Variants in TMX3 observed in about 807,000 individuals in gnomAD.
The protein encoded by TMX3 is protein disulfide-isomerase TMX3.
TMX3 carries 40 observed loss-of-function variants against 64.4 expected under a neutral mutation model. The ratio of observed to expected loss-of-function variants is 0.62; its 90% CI spans 0.48 to 0.81. The LOEUF is 0.81. TMX3 is among the 30% of genes least tolerant of loss of function. TMX3 has a pLI of 0.00. For missense variants in TMX3, 497 were observed against 534.5 expected (o/e 0.93, Z 0.69); for synonymous variants, 189 against 175.7 (o/e 1.08, Z -0.60).
Position 68,680,859 on chromosome 18 carries a change from G to A in TMX3, c.1035+122C>T, listed in dbSNP as rs1599296006. 4 of 896,318 alleles carry A rather than the reference G, an allele frequency of 4.5e-6. No homozygotes were observed. The East Asian group carries it at 8.6e-5, about 19-fold the overall frequency. The allele number at this position is 896,318 out of a possible 1,614,324, so 55.5% of individuals were successfully genotyped here. The stretch of plus-strand genomic sequence containing the variant: ...AATTGGACAGAAGCAATGTATGGAG[G>A]TCCAGCCCTCTACTCCGGGTGATGG... On this transcript the variant is annotated intron_variant, in intron 14 of 15. Coordinates refer to ENST00000299608, the MANE Select transcript of TMX3 (RefSeq NM_019022.5).
chr18:68,681,187 G>T (rs878866564), intron 13 of TMX3, 77 bp from the exon 14 acceptor site: 156 of 1,235,382 alleles, frequency 1.3e-4, no homozygotes, highest in Non-Finnish European at 8.5e-6. Flanking sequence ...TTATATCTCA[G>T]TAGCCATAAT....
intron 7 of TMX3, 60 bp downstream of exon 7, chr18:68,697,872 G>T: frequency 1.8e-6 from 2 of 1,086,524 alleles, no homozygotes; most frequent in South Asian, 1.4e-5. Context: ...GTGAAGTCTT[G>T]ATTATAGAGT....
At chr18:68,712,245 G>C (rs574282714) in intron 2 of TMX3, among the ~76,000 whole-genome samples, 1 of 152,304 alleles carries the variant, frequency 6.6e-6, no homozygotes, top group South Asian at 2.1e-4. Context: ...GAACATTACA[G>C]ACAGAATGAG....
rs543858081 is a variant in TMX3 at position 68,687,450 on chromosome 18, T to A, written c.736+217A>T. On this transcript the variant is annotated intron_variant, in intron 10 of 15. Coordinates refer to ENST00000299608, the MANE Select transcript of TMX3 (RefSeq NM_019022.5). Reference sequence around the variant, plus strand: ...TTTTGTTTTCCTTATCACCATCAGTTCTATTAGTAAACCATCTCTTTAATC... The same window carrying A: ...TTTTGTTTTCCTTATCACCATCAGTACTATTAGTAAACCATCTCTTTAATC... 3 of 985,424 alleles carry A rather than the reference T, an allele frequency of 3.0e-6. No homozygotes were observed. In the South Asian group the frequency reaches 1.4e-4, roughly 46 times the overall value. The allele number at this position is 985,424 out of a possible 1,614,324, so 61.0% of individuals were successfully genotyped here.
chr18:68,680,025 A>C (rs1822659587), intron 14 of TMX3, among the ~76,000 whole-genome samples: 1 of 152,200 alleles, frequency 6.6e-6, no homozygotes, highest in Non-Finnish European at 1.5e-5. Context: ...TGAGACAATA[A>C]AATCTGTTGT....
intron 8 of TMX3, among the ~76,000 whole-genome samples, chr18:68,695,711 C>G (rs111311966): frequency 0.011 from 1,677 of 152,332 alleles, 12 homozygotes; most frequent in African/African-American, 0.017. Context: ...CACTAACCAT[C>G]AAGCCCAAAT....
At chr18:68,698,667 A>G (rs1380355815) in intron 6 of TMX3, among the ~76,000 whole-genome samples, 1 of 152,192 alleles carries the variant, frequency 6.6e-6, no homozygotes, top group Non-Finnish European at 1.5e-5. Context: ...AAATAGATTG[A>G]GCAATGAATT....
chr18:68,687,271 C>T (rs1914057652), intron 10 of TMX3: 3 of 985,268 alleles, frequency 3.0e-6, no homozygotes, highest in Non-Finnish European at 3.6e-6. Context: ...CTTGAAGAAA[C>T]CATGCCAATT....
chr18:68,702,906 A>C (rs2030257698), intron 4 of TMX3, among the ~76,000 whole-genome samples: 1 of 152,218 alleles, frequency 6.6e-6, no homozygotes, highest in South Asian at 2.1e-4. Flanking sequence ...GGAGATAGGT[A>C]AATAGAGGGA....
At chr18:68,687,448 G>A in intron 10 of TMX3, 1 of 985,228 alleles carries the variant, frequency 1.0e-6, no homozygotes, top group Non-Finnish European at 1.2e-6. Context: ...ATCACCATCA[G>A]TTCTATTAGT....
Position 68,682,987 on chromosome 18 carries a change from C to G in TMX3, c.849-6G>C, listed in dbSNP as rs1423901519. ...TGTGGCCAAACTGAAAATCCCTAACCACCACCAACCAAAAATAAATAAATA... is the reference window on the plus strand; with the variant it reads ...TGTGGCCAAACTGAAAATCCCTAACGACCACCAACCAAAAATAAATAAATA... On this transcript the variant is annotated splice_region_variant and splice_polypyrimidine_tract_variant and intron_variant, in intron 12 of 15. Transcript: ENST00000299608. 7 of 1,607,958 alleles carry G rather than the reference C, an allele frequency of 4.4e-6. No individual in the cohort carries two copies. Among genetic ancestry groups the G allele is most frequent in the Non-Finnish European group, 5.1e-6 (6 of 1,176,496 alleles).
chr18:68,697,121 AAATC>A, intron 8 of TMX3, 101 bp downstream of exon 8: 6 of 669,134 alleles, frequency 9.0e-6, no homozygotes, highest in Non-Finnish European at 1.5e-5. Flanking sequence ...TCTGATATTA[AAATC>A]AATAATTTAA....
intron 6 of TMX3, among the ~76,000 whole-genome samples, chr18:68,698,666 G>A (rs1915350403): frequency 6.6e-6 from 1 of 152,080 alleles, no homozygotes; most frequent in Non-Finnish European, 1.5e-5. Context: ...CAAATAGATT[G>A]AGCAATGAAT....
chr18:68,682,269 G>C (rs1913510154), intron 13 of TMX3, among the ~76,000 whole-genome samples: 1 of 152,082 alleles, frequency 6.6e-6, no homozygotes, highest in African/African-American at 2.4e-5. Context: ...GAATAGAGTG[G>C]CTTCTTGTTT....
intron 2 of TMX3, 41 bp from the exon 3 acceptor site, chr18:68,711,444 TC>T: frequency 6.8e-7 from 1 of 1,470,426 alleles, no homozygotes; most frequent in Non-Finnish European, 9.4e-7. Context: ...TATGTTTGTG[TC>T]CACTTTACAA....
rs543965431 is a variant in TMX3 at position 68,701,209 on chromosome 18, G to A, written c.311+536C>T. The A allele has an allele frequency of 4.7e-5, 9 of 193,186 alleles. No individual in the cohort carries two copies. In the East Asian group the frequency reaches 1.1e-3, roughly 24 times the overall value. The allele number at this position is 193,186 out of a possible 1,614,324, so 12.0% of individuals were successfully genotyped here. ...TTACTCAAATTTAAAAATTTGAGAT[G>A]TTAAAATATTTTTTAAACTTACGTT... On this transcript the variant is annotated intron_variant, in intron 5 of 15. Transcript: ENST00000299608.
In TMX3 at chr18:68,715,036, G is replaced by A. The variant is rs2031827796; in HGVS notation, c.-55C>T. The A allele has an allele frequency of 6.5e-7, 1 of 1,549,904 alleles. No homozygotes were observed. The highest frequency in any genetic ancestry group is 8.7e-7 in the Non-Finnish European group (1 of 1,146,716). The stretch of plus-strand genomic sequence containing the variant: ...TGTGCAAAAGAGGGATAAAGACACT[G>A]GGGTCCGCCGCCTGCCCGCCCGGAA... On this transcript the variant is annotated 5_prime_UTR_variant, in exon 1 of 16. Coordinates refer to ENST00000299608, the MANE Select transcript of TMX3 (RefSeq NM_019022.5).
chr18:68,680,893 T>G (rs1913357549), intron 14 of TMX3, 88 bp downstream of exon 14: 1 of 1,338,408 alleles, frequency 7.5e-7, no homozygotes, highest in Admixed American at 2.7e-5. Context: ...GGCCAACTAT[T>G]CTTTTCAGAA....
At chr18:68,704,911 C>T (rs1428388291) in intron 4 of TMX3, among the ~76,000 whole-genome samples, 1 of 152,138 alleles carries the variant, frequency 6.6e-6, no homozygotes, top group Non-Finnish European at 1.5e-5. Flanking sequence ...CATTTCACTT[C>T]TAGTTACCTT....
Sources: gnomAD v4.1 joint callset for allele counts (sites outside exome capture counted in the v4.1 genomes callset) on GRCh38, gnomAD v4.1.1 for gene constraint, MANE v1.5 for transcripts, NCBI Gene and HGNC (gene_info 2026-07-23, HGNC 2026-07-21) for gene names.